The following PTPN4 variants were observed in gnomAD, a reference collection of about 807,000 sequenced individuals.
PTPN4 encodes the protein protein tyrosine phosphatase non-receptor type 4, also known as tyrosine-protein phosphatase non-receptor type 4.
Under a neutral mutation model 135.5 loss-of-function variants are expected in PTPN4, and 49 were observed. The ratio of observed to expected loss-of-function variants is 0.36; its 90% CI spans 0.29 to 0.46. PTPN4 has a LOEUF of 0.46. Ranked by LOEUF, PTPN4 falls within the 20% of genes least tolerant of loss-of-function variation. The pLI is 1.00. For missense variants in PTPN4, 860 were observed against 1,101.0 expected, an observed-to-expected ratio of 0.78 and a Z score of 3.10; for synonymous variants, 333 against 369.9, an observed-to-expected ratio of 0.90 and a Z score of 1.14.
At chr2:119,816,341 C>G (rs376389782) in intron 2 of PTPN4, among the ~76,000 whole-genome samples, 1 of 152,252 alleles carries the variant, frequency 6.6e-6, no homozygotes, top group East Asian at 1.9e-4. Context: ...TGTTTGAACC[C>G]AGGAGTTTGA....
chr2:119,846,494 A>T (rs1677500848), intron 2 of PTPN4, among the ~76,000 whole-genome samples: 2 of 151,622 alleles, frequency 1.3e-5, no homozygotes, highest in African/African-American at 4.8e-5. Context: ...TACTTATTAT[A>T]TATTTGTATT....
rs1435485662 is a variant in PTPN4, at chr2:119,908,406, G to T, written c.765-6773G>T. ...TGTGTCTTTGTGTCATATTTTGGTA[G>T]TTCTCACAATAATTCAAAGTTTTTT... On this transcript the variant is annotated intron_variant, in intron 10 of 26. Coordinates refer to ENST00000263708, the MANE Select transcript of PTPN4 (RefSeq NM_002830.4). 2.0e-5 allele frequency among the ~76,000 whole-genome samples: 3 copies of T among 152,146 alleles called. No individual in the cohort carries two copies. The South Asian group carries it at 6.2e-4, about 31-fold the overall frequency.
chr2:119,792,334 A>G (rs1405205108), intron 1 of PTPN4, among the ~76,000 whole-genome samples: 1 of 152,190 alleles, frequency 6.6e-6, no homozygotes, highest in Non-Finnish European at 1.5e-5. Flanking sequence ...CCTGGTACCT[A>G]CAATAGCCCT....
chr2:119,978,522 A>C lies in PTPN4; in HGVS notation c.*1452A>C, dbSNP rs1481146241. On this transcript the variant is annotated 3_prime_UTR_variant, in exon 27 of 27. Transcript: ENST00000263708. ...AGGAGACTTTTGACTGTCCAGCCTA[A>C]TGGAGGATCTGATTCCCATTAAGGA... 2 of 152,150 alleles carry C rather than the reference A, an allele frequency of 1.3e-5. No homozygotes were observed. The highest frequency in any genetic ancestry group is 4.8e-5 in the African/African-American group (2 of 41,452). The allele number at this position is 152,150 out of a possible 1,614,324, so 9.4% of individuals were successfully genotyped here.
chr2:119,910,457 A>T (rs1042449526), intron 10 of PTPN4, among the ~76,000 whole-genome samples: 1 of 152,094 alleles, frequency 6.6e-6, no homozygotes, highest in Admixed American at 6.6e-5. Flanking sequence ...AGCATTACAG[A>T]CCCTACATAC....
intron 12 of PTPN4, among the ~76,000 whole-genome samples, chr2:119,922,164 A>G (rs1412822907): frequency 2.6e-5 from 4 of 151,792 alleles, no homozygotes; most frequent in Admixed American, 1.3e-4. Context: ...ACTGAAACAG[A>G]AGGAAATTTG....
At chr2:119,895,173 G>A (rs1678300548) in intron 9 of PTPN4, among the ~76,000 whole-genome samples, 1 of 152,140 alleles carries the variant, frequency 6.6e-6, no homozygotes, top group Non-Finnish European at 1.5e-5. Context: ...ATTTGAAATT[G>A]TTGTATATTG....
chr2:119,781,996 A>T (rs1690948575), intron 1 of PTPN4, among the ~76,000 whole-genome samples: 1 of 152,100 alleles, frequency 6.6e-6, no homozygotes, highest in Non-Finnish European at 1.5e-5. Flanking sequence ...GGAGAAAGGA[A>T]TTTTTTTTAA....
Position 119,965,653 on chromosome 2 carries a change from G to C in PTPN4, c.2558+8G>C. 1 of 1,610,736 alleles carries C rather than the reference G, an allele frequency of 6.2e-7. No homozygotes were observed. The highest frequency in any genetic ancestry group is 1.3e-5 in the African/African-American group (1 of 74,856). On this transcript the variant is annotated splice_region_variant and intron_variant, in intron 25 of 26. Transcript: ENST00000263708. ...CGTTGTTGTCCATTGCAGGTACTCT[G>C]TTTTCCGTCTTTTATGAGTGTATAG...
rs1677206339 is a variant in PTPN4, at chr2:119,830,674, G to C, written c.138+20683G>C. On this transcript the variant is annotated intron_variant, in intron 2 of 26. Transcript: ENST00000263708. ...GTAGAGACGGGGTTTCACCATGTTGGCCAAGCTGGTCTCGAGCTCCTGACC... is the reference window on the plus strand; with the variant it reads ...GTAGAGACGGGGTTTCACCATGTTGCCCAAGCTGGTCTCGAGCTCCTGACC... 2.6e-5 allele frequency among the ~76,000 whole-genome samples: 4 copies of C among 152,032 alleles called. 1 individual carries two copies. The South Asian group carries it at 8.3e-4, about 32-fold the overall frequency.
intron 2 of PTPN4, among the ~76,000 whole-genome samples, chr2:119,837,405 C>T (rs2086400): frequency 0.34 from 52,087 of 151,630 alleles, 9,462 homozygotes; most frequent in African/African-American, 0.46. Context: ...TCCTCTCCAC[C>T]GAGAGCTGGA....
chr2:119,844,937 C>T (rs973054003), intron 2 of PTPN4, among the ~76,000 whole-genome samples: 25 of 151,174 alleles, frequency 1.7e-4, no homozygotes, highest in African/African-American at 5.6e-4. Flanking sequence ...GCCGAGATCA[C>T]GCCACTGCAC....
At chr2:119,823,133 C>T (rs1449872368) in intron 2 of PTPN4, among the ~76,000 whole-genome samples, 1 of 151,942 alleles carries the variant, frequency 6.6e-6, no homozygotes, top group Admixed American at 6.6e-5. Flanking sequence ...TATCAAGGCT[C>T]ATTTTGTTTG....
At chr2:119,902,554 A>G (rs1234467602) in intron 10 of PTPN4, among the ~76,000 whole-genome samples, 1 of 152,244 alleles carries the variant, frequency 6.6e-6, no homozygotes, top group Admixed American at 6.5e-5. Flanking sequence ...TCTTCCACAA[A>G]GAAGGACCAG....
intron 2 of PTPN4, among the ~76,000 whole-genome samples, chr2:119,853,464 G>A (rs964053976): frequency 6.6e-6 from 1 of 151,842 alleles, no homozygotes; most frequent in African/African-American, 2.4e-5. Context: ...GCTTTTTTAG[G>A]TGATTCTTGC....
intron 26 of PTPN4, among the ~76,000 whole-genome samples, chr2:119,969,884 G>A (rs1227853558): frequency 6.6e-6 from 1 of 151,614 alleles, no homozygotes; most frequent in Non-Finnish European, 1.5e-5. Flanking sequence ...TATCAAATTG[G>A]CAGTATTTAA....
At chr2:119,966,566 C>T (rs1475226657) in intron 25 of PTPN4, among the ~76,000 whole-genome samples, 1 of 152,170 alleles carries the variant, frequency 6.6e-6, no homozygotes, top group African/African-American at 2.4e-5. Flanking sequence ...CCGGTTCCAC[C>T]TCCTAATATT....
chr2:119,767,106 G>C (rs894211420), intron 1 of PTPN4, among the ~76,000 whole-genome samples: 6 of 152,202 alleles, frequency 3.9e-5, no homozygotes, highest in African/African-American at 1.4e-4. Context: ...TGTACCGTGT[G>C]TATACACAGC....
intron 19 of PTPN4, among the ~76,000 whole-genome samples, chr2:119,953,918 A>T (rs2105053562): frequency 6.6e-6 from 1 of 152,306 alleles, no homozygotes; most frequent in East Asian, 1.9e-4. Context: ...GCTTTATAGT[A>T]TGAGAGGAAC....
Sources: allele counts gnomAD v4.1 joint callset (sites outside exome capture counted in the v4.1 genomes callset), GRCh38; gene constraint gnomAD v4.1.1; transcripts MANE v1.5; gene names NCBI Gene and HGNC (gene_info 2026-07-23, HGNC 2026-07-21).